The following GREB1 variants were observed in gnomAD, a reference collection of about 807,000 sequenced individuals.
The protein encoded by GREB1 is protein GREB1.
Under a neutral mutation model 200.7 loss-of-function variants are expected in GREB1, and 106 were observed. That is an observed-to-expected ratio of 0.53 (90% CI 0.45 to 0.62). The LOEUF (loss-of-function observed/expected upper bound fraction) is 0.62, where lower values mean the gene tolerates loss of function less well. Ranked by LOEUF, GREB1 falls within the 20% of genes least tolerant of loss-of-function variation. The pLI, the probability that GREB1 is intolerant of heterozygous loss-of-function variation, is 0.00. For missense variants in GREB1, 2,243 were observed against 2,556.8 expected, an observed-to-expected ratio of 0.88 and a Z score of 2.65; for synonymous variants, 1,132 against 1,092.4, an observed-to-expected ratio of 1.04 and a Z score of -0.72.
intron 1 of GREB1, among the ~76,000 whole-genome samples, chr2:11,502,490 G>C (rs1454864941): frequency 6.6e-6 from 1 of 151,570 alleles, no homozygotes; most frequent in Non-Finnish European, 1.5e-5. Flanking sequence ...CCAAAGTGCT[G>C]GGATTCCAGG....
chr2:11,482,893 C>G (rs1558475590), intron 1 of GREB1, among the ~76,000 whole-genome samples: 1 of 151,464 alleles, frequency 6.6e-6, no homozygotes, highest in South Asian at 2.1e-4. Flanking sequence ...AGCCTGTAGG[C>G]TGGGCTAGCC....
At chr2:11,541,828 G>A (rs1054342167) in intron 1 of GREB1, among the ~76,000 whole-genome samples, 1 of 152,148 alleles carries the variant, frequency 6.6e-6, no homozygotes, top group African/African-American at 2.4e-5. Flanking sequence ...ATGCTGGAAG[G>A]ACCTGTGTTG....
chr2:11,615,277 G>A lies in GREB1; in HGVS notation c.3309G>A (p.Glu1103=). ...KLSSTDNEDE[E]LGTEGSTSEK... ...GCAGCACAGACAACGAGGATGAGGA[G>A]CTGGGGACAGAAGGTGAGGGATGGC... is the stretch of plus-strand genomic sequence containing the variant. Residue 1103 remains glutamate (E), a synonymous_variant, in exon 20 of 33, where the codon GAG becomes GAA. Transcript: ENST00000381486. 6.3e-7 allele frequency: 1 copy of A among 1,588,566 alleles called. No individual in the cohort carries two copies. The highest frequency in any genetic ancestry group is 8.6e-7 in the Non-Finnish European group (1 of 1,166,564).
intron 31 of GREB1, among the ~76,000 whole-genome samples, chr2:11,638,298 G>A (rs540955556): frequency 3.3e-5 from 5 of 152,172 alleles, no homozygotes; most frequent in South Asian, 2.1e-4. Context: ...ATGCTACCAC[G>A]CCTGGCTAAT....
intron 4 of GREB1, among the ~76,000 whole-genome samples, chr2:11,571,877 A>T (rs1199739872): frequency 6.6e-6 from 1 of 151,828 alleles, no homozygotes; most frequent in Non-Finnish European, 1.5e-5. Context: ...CACCCAGCTA[A>T]TTTTTTTGTA....
Position 11,610,991 on chromosome 2 carries a change from C to G in GREB1, c.2970C>G (p.Gly990=), listed in dbSNP as rs368131632. 6.2e-7 allele frequency: 1 copy of G among 1,603,858 alleles called. No homozygotes were observed. The highest frequency in any genetic ancestry group is 8.5e-7 in the Non-Finnish European group (1 of 1,175,402). The change falls in exon 18 of 33, where the codon GGC becomes GGG. Residue 990 remains glycine, a synonymous_variant. Transcript: ENST00000381486. Reference sequence around the variant, plus strand: ...TCATCCTGGGCAGTCCCAGCTCAGGCGTCACCGTGGGGAAGCACTTCGTAA... The same window carrying G: ...TCATCCTGGGCAGTCCCAGCTCAGGGGTCACCGTGGGGAAGCACTTCGTAA... ...FEIILGSPSS[G]VTVGKHFVKQ... is the part of the protein sequence containing the mutation.
Position 11,608,167 on chromosome 2 carries a change from A to G in GREB1, c.2667-2521A>G, listed in dbSNP as rs546465239. ...CAGGGCAAGGTCACATACAAAGATC[A>G]TAGCTCCCATGAGAATTCAGGGTCT... On this transcript the variant is annotated intron_variant, in intron 17 of 32. Transcript: ENST00000381486. 6.6e-5 allele frequency among the ~76,000 whole-genome samples: 10 copies of G among 152,318 alleles called. No homozygotes were observed. The South Asian group carries it at 1.9e-3, about 28-fold the overall frequency.
At chr2:11,552,017 TA>T (rs1417206805) in intron 1 of GREB1, among the ~76,000 whole-genome samples, 22 of 152,394 alleles carry the variant, frequency 1.4e-4, no homozygotes, top group African/African-American at 5.0e-4. Context: ...CCGTCTCTCT[TA>T]CTGTCCGTAA....
At chr2:11,617,522 T>C (rs1683522107) in intron 21 of GREB1, among the ~76,000 whole-genome samples, 1 of 152,244 alleles carries the variant, frequency 6.6e-6, no homozygotes, top group South Asian at 2.1e-4. Context: ...TATGAAGAAG[T>C]CTGTAATTTT....
chr2:11,614,375 C>T (rs61593826), intron 19 of GREB1, among the ~76,000 whole-genome samples: 11,539 of 152,064 alleles, frequency 0.076, 582 homozygotes, highest in South Asian at 0.21. Flanking sequence ...GATCGGCCCG[C>T]CTTCGCCTCT....
At chr2:11,546,049 C>T (rs372396622) in intron 1 of GREB1, among the ~76,000 whole-genome samples, 6 of 152,140 alleles carry the variant, frequency 3.9e-5, no homozygotes, top group East Asian at 3.9e-4. Context: ...TAGTGGTGCA[C>T]GTCTGTAGTC....
chr2:11,632,105 C>T lies in GREB1; in HGVS notation c.4808C>T (p.Ala1603Val). Residue 1603 changes from alanine to valine, a missense_variant, in exon 27 of 33, where the codon GCT becomes GTT. Physicochemically the swap from Ala to Val is moderately conservative, Grantham distance 64. This residue lies in a region of GREB1 where 478 missense variants were observed against 616.3 expected (regional missense o/e 0.78). Coordinates refer to ENST00000381486, the MANE Select transcript of GREB1 (RefSeq NM_014668.4). Reference protein sequence around the residue: ...MLVLPSIFNSAGVGAAHFLIK... With the variant: ...MLVLPSIFNSVGVGAAHFLIK... ...GTGCTCCCCAGTATCTTCAACAGTGCTGGAGTTGGTGAGTGTCCTTTAACA... is the reference window on the plus strand; with the variant it reads ...GTGCTCCCCAGTATCTTCAACAGTGTTGGAGTTGGTGAGTGTCCTTTAACA... 1 of 1,611,698 alleles carries T rather than the reference C, an allele frequency of 6.2e-7. No homozygotes were observed. The highest frequency in any genetic ancestry group is 8.5e-7 in the Non-Finnish European group (1 of 1,177,802).
At chr2:11,569,200 C>T (rs764988429) in intron 4 of GREB1, among the ~76,000 whole-genome samples, 4 of 152,132 alleles carry the variant, frequency 2.6e-5, no homozygotes, top group Non-Finnish European at 4.4e-5. Flanking sequence ...AAACATATTC[C>T]GCTAGATTGT....
At chr2:11,598,022 A>G (rs377496120) in intron 14 of GREB1, 44 bp downstream of exon 14, 40 of 1,392,724 alleles carry the variant, frequency 2.9e-5, no homozygotes, top group Non-Finnish European at 4.1e-5. Flanking sequence ...AGAAGCTTTG[A>G]TCTGCCGAAA....
Position 11,588,761 on chromosome 2 carries a change from C to T in GREB1, c.1175C>T (p.Pro392Leu), listed in dbSNP as rs1459981426. The change falls in exon 10 of 33, where the codon CCT becomes CTT. Residue 392 changes from proline to leucine, a missense_variant. Around this residue, in one of 3 missense-constraint regions of GREB1, gnomAD observed 1,178 missense variants for 1,387.4 expected, o/e 0.85. Coordinates refer to ENST00000381486, the MANE Select transcript of GREB1 (RefSeq NM_014668.4). ...TCCTCTGCAGGCCATGGGAACTTCC[C>T]TTACCTCTGTGGGAACCTGAATGAC... ...PVIFKGHGNFPYLCGNLNDVV... is the reference protein window; with the variant it reads ...PVIFKGHGNFLYLCGNLNDVV... The T allele has an allele frequency of 6.2e-7, 1 of 1,614,204 alleles. No individual in the cohort carries two copies. The highest frequency in any genetic ancestry group is 8.5e-7 in the Non-Finnish European group (1 of 1,180,012).
In GREB1 at chr2:11,592,883, C is replaced by G. The variant is rs779035515; in HGVS notation, c.1453C>G (p.Pro485Ala). Residue 485 changes from proline to alanine, a missense_variant, in exon 11 of 33, where the codon CCC becomes GCC. Physicochemically the swap from Pro to Ala is conservative, Grantham distance 27. Coordinates refer to ENST00000381486, the MANE Select transcript of GREB1 (RefSeq NM_014668.4). ...IRQYQQAPPQ[P>A]FPPAPSAAAP... is the part of the protein sequence containing the mutation. The stretch of plus-strand genomic sequence containing the variant: ...GCAGTACCAGCAGGCGCCGCCGCAG[C>G]CCTTCCCGCCCGCGCCCAGCGCCGC... The G allele has an allele frequency of 6.3e-7, 1 of 1,598,366 alleles. No individual in the cohort carries two copies. The highest frequency in any genetic ancestry group is 1.7e-5 in the Admixed American group (1 of 58,282).
In GREB1 at chr2:11,640,680, C is replaced by T. The variant is rs889569320; in HGVS notation, c.*226C>T. 2 of 549,334 alleles carry T rather than the reference C, an allele frequency of 3.6e-6. No homozygotes were observed. Among genetic ancestry groups the T allele is most frequent in the Non-Finnish European group, 6.4e-6 (2 of 314,418 alleles). 34.0% of individuals were successfully genotyped at this position (549,334 alleles called of 1,614,324 possible). On this transcript the variant is annotated 3_prime_UTR_variant, in exon 33 of 33. Transcript: ENST00000381486. This position sits in a 1 kb window ranked among gnomAD's most constrained non-coding sequence, Gnocchi z 4.6. ...AACTTGAGACTCCCAAGTTCTGGGC[C>T]AGCCCATTGCTCTGGGCTGTTTTAA...
chr2:11,608,879 A>G (rs2148295303), intron 17 of GREB1, among the ~76,000 whole-genome samples: 1 of 152,282 alleles, frequency 6.6e-6, no homozygotes, highest in Non-Finnish European at 1.5e-5. Flanking sequence ...CCTCTTTGGT[A>G]CTTTGCCCTG....
At chr2:11,616,514 G>A (rs148968130) in intron 20 of GREB1, 117 bp from the exon 21 acceptor site, 1 of 733,298 alleles carries the variant, frequency 1.4e-6, no homozygotes, top group Non-Finnish European at 2.5e-6. Context: ...GGCAGTGAAT[G>A]AGTAAATGGA....
Sources: allele counts gnomAD v4.1 joint callset (sites outside exome capture counted in the v4.1 genomes callset), GRCh38; gene constraint gnomAD v4.1.1; regional missense constraint gnomAD v4.1.1; non-coding constraint Gnocchi (gnomAD v3.1); transcripts MANE v1.5; gene names NCBI Gene and HGNC (gene_info 2026-07-23, HGNC 2026-07-21).